Variants in RAPGEF4 observed in about 807,000 individuals in gnomAD.
The protein encoded by RAPGEF4 is RAP guanine-nucleotide-exchange factor (GEF) 4.
In RAPGEF4, 66 loss-of-function variants were observed where a neutral mutation model predicts 147.9. That is an observed-to-expected ratio of 0.45 (90% confidence interval 0.37 to 0.55). The LOEUF is 0.55. Ranked by LOEUF, RAPGEF4 falls within the 20% of genes least tolerant of loss-of-function variation. RAPGEF4 has a pLI of 0.00. For synonymous variants in RAPGEF4, 419 were observed against 442.7 expected, an observed-to-expected ratio of 0.95 and a Z score of 0.67; for missense variants, 1,071 against 1,257.3, an observed-to-expected ratio of 0.85 and a Z score of 2.24.
chr2:172,848,758 G>C (rs1012319608), intron 4 of RAPGEF4, among the ~76,000 whole-genome samples: 2 of 152,130 alleles, frequency 1.3e-5, no homozygotes, highest in African/African-American at 4.8e-5. Flanking sequence ...AACAGCCTTC[G>C]AGTCCAGCAA....
chr2:172,800,233 G>T (rs2149562193), intron 3 of RAPGEF4, among the ~76,000 whole-genome samples: 1 of 152,248 alleles, frequency 6.6e-6, no homozygotes, highest in African/African-American at 2.4e-5. Flanking sequence ...AAAAGGAAGA[G>T]AAAGCTCATT....
Position 172,981,703 on chromosome 2 carries a change from G to GT in RAPGEF4, c.1005-1792dup, listed in dbSNP as rs373288973. On this transcript the variant is annotated intron_variant, in intron 10 of 30. Transcript: ENST00000397081. ...TCACGTTAAAACTGTCCTTGGGAAG[G>GT]TACTGTGCAAAGTATGCAGAGTTTT... is the stretch of plus-strand genomic sequence containing the variant. Among the ~76,000 whole-genome samples, 21 of 152,320 alleles carry GT rather than the reference G, an allele frequency of 1.4e-4. 1 individual carries two copies. The highest frequency in any genetic ancestry group is 4.6e-4 in the African/African-American group (19 of 41,574).
chr2:172,918,981 A>G (rs1406705302), intron 5 of RAPGEF4, among the ~76,000 whole-genome samples: 1 of 152,028 alleles, frequency 6.6e-6, no homozygotes, highest in Non-Finnish European at 1.5e-5. Context: ...GCATTTCACT[A>G]TTTCTATGCA....
At chr2:172,883,998 G>A (rs1213069195) in intron 4 of RAPGEF4, among the ~76,000 whole-genome samples, 1 of 152,216 alleles carries the variant, frequency 6.6e-6, no homozygotes, top group Admixed American at 6.5e-5. Context: ...AGTTGGGACA[G>A]CAGCTATGGT....
At chr2:173,044,510 A>G (rs987667546) in intron 29 of RAPGEF4, among the ~76,000 whole-genome samples, 1 of 152,054 alleles carries the variant, frequency 6.6e-6, no homozygotes, top group Non-Finnish European at 1.5e-5. Flanking sequence ...AGAGTTCTTC[A>G]CTCACCACAT....
intron 5 of RAPGEF4, among the ~76,000 whole-genome samples, chr2:172,919,738 G>A (rs1328060172): frequency 6.6e-6 from 1 of 152,062 alleles, no homozygotes; most frequent in Non-Finnish European, 1.5e-5. Flanking sequence ...GGCCTCTCAA[G>A]CTCAAAATGT....
chr2:172,868,326 C>T (rs892964235), intron 4 of RAPGEF4, among the ~76,000 whole-genome samples: 5 of 152,206 alleles, frequency 3.3e-5, no homozygotes, highest in African/African-American at 1.2e-4. Context: ...ACAGAGAACT[C>T]TAAATTTGTT....
intron 6 of RAPGEF4, among the ~76,000 whole-genome samples, chr2:172,926,604 G>T (rs191146005): frequency 6.6e-6 from 1 of 151,894 alleles, no homozygotes; most frequent in Non-Finnish European, 1.5e-5. Flanking sequence ...ATGGAGTCTC[G>T]CTCTGTCACC....
chr2:172,955,605 G>C (rs1430059216), intron 6 of RAPGEF4, among the ~76,000 whole-genome samples: 1 of 152,182 alleles, frequency 6.6e-6, no homozygotes, highest in Admixed American at 6.5e-5. Context: ...TGATTGATGT[G>C]TCAAAATCTA....
chr2:172,763,147 A>C (rs1050502812), intron 1 of RAPGEF4, among the ~76,000 whole-genome samples: 2 of 152,246 alleles, frequency 1.3e-5, no homozygotes, highest in Non-Finnish European at 2.9e-5. Context: ...CTCAAATCCC[A>C]GAACCTACTT....
intron 4 of RAPGEF4, among the ~76,000 whole-genome samples, chr2:172,900,777 C>T (rs534386290): frequency 9.2e-5 from 14 of 152,222 alleles, no homozygotes; most frequent in South Asian, 2.1e-4. Flanking sequence ...AACCATAAGA[C>T]GGTTGTCAAA....
intron 29 of RAPGEF4, among the ~76,000 whole-genome samples, chr2:173,047,277 T>C (rs1379119273): frequency 1.3e-5 from 2 of 152,204 alleles, no homozygotes; most frequent in Non-Finnish European, 2.9e-5. Context: ...TCCATTTTCT[T>C]TTCTCTTTTC....
At chr2:172,860,139 A>G in intron 4 of RAPGEF4, 1 of 985,438 alleles carries the variant, frequency 1.0e-6, no homozygotes, top group Non-Finnish European at 1.2e-6. Context: ...GCCAAGATAA[A>G]TCAGTCCAGC....
chr2:172,934,656 C>T (rs1228707945), intron 6 of RAPGEF4, among the ~76,000 whole-genome samples: 1 of 151,504 alleles, frequency 6.6e-6, no homozygotes, highest in Non-Finnish European at 1.5e-5. Flanking sequence ...TACCAAAATA[C>T]CAAAATACAC....
intron 22 of RAPGEF4, 146 bp from the exon 23 acceptor site, chr2:173,020,472 C>T: frequency 9.8e-6 from 7 of 714,934 alleles, no homozygotes; most frequent in East Asian, 5.4e-5. Context: ...TTTTTTATTC[C>T]GTGGATCCCT....
At chr2:172,820,996 T>A (rs3769304) in intron 4 of RAPGEF4, among the ~76,000 whole-genome samples, 1 of 152,136 alleles carries the variant, frequency 6.6e-6, no homozygotes, top group African/African-American at 2.4e-5. Context: ...TAGTCTTTGC[T>A]GAGGTGCTTT....
intron 4 of RAPGEF4, among the ~76,000 whole-genome samples, chr2:172,873,243 T>C (rs1250753127): frequency 1.3e-5 from 2 of 152,226 alleles, no homozygotes; most frequent in Non-Finnish European, 2.9e-5. Context: ...TCAAGATTCA[T>C]CCAGTTTTAC....
chr2:172,991,006 TCTC>T, intron 15 of RAPGEF4, 81 bp downstream of exon 15: 1 of 1,086,126 alleles, frequency 9.2e-7, no homozygotes, highest in Non-Finnish European at 1.4e-6. Flanking sequence ...AATAGCATGT[TCTC>T]CTTTTTTGTG....
At chr2:172,952,897 T>C (rs1688344699) in intron 6 of RAPGEF4, among the ~76,000 whole-genome samples, 2 of 152,194 alleles carry the variant, frequency 1.3e-5, no homozygotes, top group Admixed American at 1.3e-4. Context: ...ACAGAATCAT[T>C]CTAAAAACAT....
Sources: allele counts gnomAD v4.1 joint callset (sites outside exome capture counted in the v4.1 genomes callset), GRCh38; gene constraint gnomAD v4.1.1; transcripts MANE v1.5; gene names NCBI Gene and HGNC (gene_info 2026-07-23, HGNC 2026-07-21).